Variants in FMNL2 observed in about 807,000 individuals in gnomAD.
FMNL2 encodes formin like 2, also known as formin-like protein 2.
Under a neutral mutation model 130.2 loss-of-function variants are expected in FMNL2, and 51 were observed. That is an observed-to-expected ratio of 0.39 (90% CI 0.31 to 0.49). FMNL2 has a LOEUF of 0.49. Among genes scored for constraint, FMNL2 ranks in the 20% least tolerant of loss-of-function variants. The pLI, the probability that FMNL2 is intolerant of heterozygous loss-of-function variation, is 0.85. For synonymous variants in FMNL2, 465 were observed against 467.1 expected (o/e 1.00, Z 0.06); for missense variants, 977 against 1,316.2 (o/e 0.74, Z 3.99).
intron 1 of FMNL2, among the ~76,000 whole-genome samples, chr2:152,388,416 G>A (rs1684907995): frequency 6.6e-6 from 1 of 152,114 alleles, no homozygotes; most frequent in African/African-American, 2.4e-5. Flanking sequence ...CGGCAGCAAG[G>A]AGAAGTATGA....
At chr2:152,518,416 T>C (rs756180676) in intron 1 of FMNL2, among the ~76,000 whole-genome samples, 1 of 152,222 alleles carries the variant, frequency 6.6e-6, no homozygotes, top group Non-Finnish European at 1.5e-5. Context: ...CTAATCATGC[T>C]CAAAAAGACT....
intron 1 of FMNL2, among the ~76,000 whole-genome samples, chr2:152,490,366 C>T (rs1387096848): frequency 6.6e-6 from 1 of 151,982 alleles, no homozygotes; most frequent in Admixed American, 6.6e-5. Context: ...CTTTGAAAAT[C>T]GTAAGTGTAC....
chr2:152,412,245 T>C (rs1347055090), intron 1 of FMNL2, among the ~76,000 whole-genome samples: 1 of 151,668 alleles, frequency 6.6e-6, no homozygotes, highest in Non-Finnish European at 1.5e-5. Context: ...TGCCCTTGTG[T>C]ATTGTTTTTA....
intron 12 of FMNL2, among the ~76,000 whole-genome samples, chr2:152,615,364 C>A (rs1180098909): frequency 6.6e-6 from 1 of 152,134 alleles, no homozygotes; most frequent in Admixed American, 6.5e-5. Context: ...GAGGTATCTT[C>A]TTATCAACTA....
chr2:152,444,743 A>G (rs1200644786), intron 1 of FMNL2, among the ~76,000 whole-genome samples: 2 of 152,206 alleles, frequency 1.3e-5, no homozygotes, highest in Non-Finnish European at 2.9e-5. Flanking sequence ...AGATCAGTTC[A>G]ATAATGGTAT....
intron 23 of FMNL2, 110 bp from the exon 24 acceptor site, chr2:152,639,848 A>G (rs539711005): frequency 6.5e-6 from 5 of 767,276 alleles, no homozygotes; most frequent in East Asian, 3.3e-5. Flanking sequence ...TCAACCTTCC[A>G]TTTATTGTAA....
intron 1 of FMNL2, 99 bp downstream of exon 1, chr2:152,335,819 G>A: frequency 2.4e-6 from 2 of 845,922 alleles, no homozygotes; most frequent in Non-Finnish European, 3.4e-6. Flanking sequence ...CCGGGAGCGA[G>A]CCTCCATTCC....
chr2:152,575,659 A>G (rs144313489), intron 7 of FMNL2, among the ~76,000 whole-genome samples: 1,840 of 152,344 alleles, frequency 0.012, 18 homozygotes, highest in Non-Finnish European at 0.02. Context: ...TCCTATAGAG[A>G]TAAACTTACC....
intron 20 of FMNL2, among the ~76,000 whole-genome samples, chr2:152,631,400 A>G (rs1197401460): frequency 1.3e-5 from 2 of 151,482 alleles, no homozygotes; most frequent in African/African-American, 4.8e-5. Context: ...CTCAAAAAAA[A>G]AAAAAAAAAA....
intron 1 of FMNL2, among the ~76,000 whole-genome samples, chr2:152,361,841 G>A (rs1457973688): frequency 6.6e-6 from 1 of 152,040 alleles, no homozygotes; most frequent in Non-Finnish European, 1.5e-5. Context: ...TAATAATGTG[G>A]GATGAGGAAT....
intron 6 of FMNL2, among the ~76,000 whole-genome samples, chr2:152,569,359 AC>A (rs1208578813): frequency 6.6e-6 from 1 of 152,062 alleles, no homozygotes; most frequent in East Asian, 1.9e-4. Context: ...GAGCTCACTA[AC>A]AAAAATAGCT....
At chr2:152,396,096 G>A (rs186599620) in intron 1 of FMNL2, among the ~76,000 whole-genome samples, 43 of 152,166 alleles carry the variant, frequency 2.8e-4, no homozygotes, top group African/African-American at 1.0e-3. Context: ...GTTTAATCAC[G>A]GCATTTCTGC....
intron 1 of FMNL2, among the ~76,000 whole-genome samples, chr2:152,345,178 A>C (rs1343295607): frequency 6.6e-6 from 1 of 152,212 alleles, no homozygotes; most frequent in African/African-American, 2.4e-5. Context: ...TGACTAGATA[A>C]AACTTTCTAA....
chr2:152,542,305 A>T (rs1694354358), intron 2 of FMNL2, among the ~76,000 whole-genome samples: 1 of 152,244 alleles, frequency 6.6e-6, no homozygotes, highest in African/African-American at 2.4e-5. Context: ...GATAAAATAA[A>T]TATCCAAAAG....
chr2:152,476,701 A>G (rs1038745286), intron 1 of FMNL2, among the ~76,000 whole-genome samples: 1 of 151,988 alleles, frequency 6.6e-6, no homozygotes, highest in Non-Finnish European at 1.5e-5. Context: ...TAAAAAAAAA[A>G]AAGAAAAAAT....
chr2:152,461,683 T>C (rs528591061), intron 1 of FMNL2, among the ~76,000 whole-genome samples: 47 of 152,186 alleles, frequency 3.1e-4, no homozygotes, highest in Non-Finnish European at 5.9e-4. Flanking sequence ...AGCACAGATA[T>C]GGATGTTGAG....
intron 17 of FMNL2, among the ~76,000 whole-genome samples, 194 bp from the exon 18 acceptor site, chr2:152,628,105 T>G (rs962174894): frequency 1.3e-5 from 2 of 152,220 alleles, no homozygotes; most frequent in Admixed American, 1.3e-4. Flanking sequence ...TTAAGTTACC[T>G]GAGGCATAGT....
At chr2:152,495,623 C>A (rs1284942133) in intron 1 of FMNL2, among the ~76,000 whole-genome samples, 2 of 122,084 alleles carry the variant, frequency 1.6e-5, no homozygotes, top group Non-Finnish European at 3.3e-5. Flanking sequence ...TGCACACCAG[C>A]CTAGGTGACA....
chr2:152,437,666 A>G (rs1687837794), intron 1 of FMNL2, among the ~76,000 whole-genome samples: 1 of 152,164 alleles, frequency 6.6e-6, no homozygotes, highest in South Asian at 2.1e-4. Flanking sequence ...TTTGTGTGAA[A>G]CTGAGAGCAA....
Sources: gnomAD v4.1 joint callset for allele counts (sites outside exome capture counted in the v4.1 genomes callset) on GRCh38, gnomAD v4.1.1 for gene constraint, MANE v1.5 for transcripts, NCBI Gene and HGNC (gene_info 2026-07-23, HGNC 2026-07-21) for gene names.